The following KANSL2 variants were observed in gnomAD, a reference collection of about 807,000 sequenced individuals.
The protein encoded by KANSL2 is KAT8 regulatory NSL complex subunit 2, also known as NSL complex protein NSL2.
KANSL2 carries 34 observed loss-of-function variants against 55.6 expected under a neutral mutation model. The ratio of observed to expected loss-of-function variants is 0.61; its 90% confidence interval spans 0.46 to 0.81. The LOEUF is 0.81. Among genes scored for constraint, KANSL2 ranks in the 40% least tolerant of loss-of-function variants. KANSL2 has a pLI of 0.00. For synonymous variants in KANSL2, 209 were observed against 214.3 expected (o/e 0.98, Z 0.22); for missense variants, 502 against 609.9 (o/e 0.82, Z 1.86).
intron 8 of KANSL2, among the ~76,000 whole-genome samples, chr12:48,658,191 A>C (rs1186930268): frequency 6.6e-6 from 1 of 152,156 alleles, no homozygotes; most frequent in Non-Finnish European, 1.5e-5. Flanking sequence ...AGATCACGCC[A>C]ATGCACTCCA....
chr12:48,679,290 T>A, intron 3 of KANSL2, 140 bp from the exon 4 acceptor site: 1 of 710,260 alleles, frequency 1.4e-6, no homozygotes, highest in Non-Finnish European at 2.5e-6. Context: ...ACAAAGGTAC[T>A]GGCAAATAAA....
intron 4 of KANSL2, among the ~76,000 whole-genome samples, chr12:48,672,393 G>GTGTA (rs1420173300): frequency 4.7e-4 from 57 of 121,366 alleles, no homozygotes; most frequent in African/African-American, 1.8e-3. Context: ...ATATATACAT[G>GTGTA]TATATATATA....
Position 48,656,277 on chromosome 12 carries a change from G to GTT in KANSL2, c.1228-1219_1228-1218dup, listed in dbSNP as rs5798084. Among the ~76,000 whole-genome samples, 809 of 140,680 alleles carry GTT rather than the reference G, an allele frequency of 5.8e-3. 4 individuals are homozygous for GTT. Among genetic ancestry groups the GTT allele is most frequent in the African/African-American group, 0.018 (682 of 38,706 alleles). 92.3% of individuals were successfully genotyped at this position (140,680 alleles called of 152,430 possible). Reference sequence around the variant, plus strand: ...GCAACAACCTGGTTTTTTTTGTTTTGTTTTTTTTTTTTTTGAGACAGAGTC... The same window carrying GTT: ...GCAACAACCTGGTTTTTTTTGTTTTGTTTTTTTTTTTTTTTTGAGACAGAGTC... On this transcript the variant is annotated intron_variant, in intron 8 of 9. Transcript: ENST00000420613.
intron 5 of KANSL2, among the ~76,000 whole-genome samples, chr12:48,670,904 C>T (rs990969342): frequency 1.3e-5 from 2 of 151,726 alleles, no homozygotes; most frequent in African/African-American, 4.8e-5. Flanking sequence ...TTGAAGGCTG[C>T]AGTGAGTGAG....
At chr12:48,663,367 A>G (rs554037320) in intron 7 of KANSL2, among the ~76,000 whole-genome samples, 3 of 152,196 alleles carry the variant, frequency 2.0e-5, no homozygotes, top group Non-Finnish European at 2.9e-5. Flanking sequence ...TCACTGACTC[A>G]TTTTTGAAAA....
At chr12:48,679,578 A>G in intron 3 of KANSL2, 77 bp downstream of exon 3, 1 of 1,137,584 alleles carries the variant, frequency 8.8e-7, no homozygotes, top group Non-Finnish European at 1.3e-6. Context: ...CAAATAGATC[A>G]AGGCATTGTG....
Position 48,653,522 on chromosome 12 carries a change from AG to A in KANSL2, c.*521del, listed in dbSNP as rs1939321420. 1 of 152,782 alleles carries A rather than the reference AG, an allele frequency of 6.5e-6. No homozygotes were observed. The highest frequency in any genetic ancestry group is 1.5e-5 in the Non-Finnish European group (1 of 68,096). 9.5% of individuals were successfully genotyped at this position (152,782 alleles called of 1,614,324 possible). On this transcript the variant is annotated 3_prime_UTR_variant, in exon 10 of 10. Transcript: ENST00000420613. ...AGATAGCAACCACAGAAATTTACATAGGTTAAAAGCAAGACGGATAAGGAGG... is the reference window on the plus strand; with the variant it reads ...AGATAGCAACCACAGAAATTTACATAGTTAAAAGCAAGACGGATAAGGAGG...
intron 2 of KANSL2, 194 bp downstream of exon 2, chr12:48,681,188 C>A: frequency 2.1e-6 from 1 of 473,666 alleles, no homozygotes; most frequent in South Asian, 3.9e-5. Context: ...GGAAAAGAAC[C>A]AAAGAGGTGA....
intron 7 of KANSL2, 126 bp downstream of exon 7, chr12:48,667,567 A>G (rs759479555): frequency 1.2e-6 from 1 of 801,062 alleles, no homozygotes; most frequent in South Asian, 1.3e-5. Flanking sequence ...CAGCTTCAGC[A>G]AACTGCTGGC....
chr12:48,653,722 G>GC lies in KANSL2; in HGVS notation c.*321dup, dbSNP rs1165529688. 1 of 215,020 alleles carries GC rather than the reference G, an allele frequency of 4.7e-6. No individual in the cohort carries two copies. The highest frequency in any genetic ancestry group is 1.1e-4 in the East Asian group (1 of 9,268). 13.3% of individuals were successfully genotyped at this position (215,020 alleles called of 1,614,324 possible). A position where few individuals can be genotyped will look rare whatever the true frequency, so the allele number is the denominator to read the frequency against. The stretch of plus-strand genomic sequence containing the variant: ...CTCAAAGACACCACTCACAAAGACA[G>GC]CTCCCACCTAGCTACTTAAGTGGAT... On this transcript the variant is annotated 3_prime_UTR_variant, in exon 10 of 10. Transcript: ENST00000420613.
intron 2 of KANSL2, among the ~76,000 whole-genome samples, chr12:48,681,051 T>C (rs1197211611): frequency 2.8e-5 from 4 of 141,460 alleles, no homozygotes; most frequent in African/African-American, 1.1e-4. Context: ...GAGGCCGAGA[T>C]GGGAGGATAC....
Position 48,669,184 on chromosome 12 carries a change from C to A in KANSL2, c.798G>T (p.Gln266His), listed in dbSNP as rs1728361345. Reference protein sequence around the residue: ...KRLKCLRRYRQRYGVEALLHR... With the variant: ...KRLKCLRRYRHRYGVEALLHR... ...GCAGTAAGGCTTCCACTCCATAGCGCTGGCGGTATCGTCGCAGACATTTTA... is the reference window on the plus strand; with the variant it reads ...GCAGTAAGGCTTCCACTCCATAGCGATGGCGGTATCGTCGCAGACATTTTA... The change falls in exon 6 of 10, where the codon CAG (glutamine) becomes CAT (histidine). Residue 266 changes from glutamine to histidine, a missense_variant. Coordinates refer to ENST00000420613, the MANE Select transcript of KANSL2 (RefSeq NM_017822.4). The A allele has an allele frequency of 1.3e-6, 2 of 1,554,440 alleles. No individual in the cohort carries two copies. Among genetic ancestry groups the A allele is most frequent in the Non-Finnish European group, 1.7e-6 (2 of 1,148,352 alleles).
intron 4 of KANSL2, among the ~76,000 whole-genome samples, chr12:48,677,581 AC>A (rs2137203529): frequency 6.6e-6 from 1 of 152,172 alleles, no homozygotes; most frequent in Admixed American, 6.5e-5. Flanking sequence ...GGAATTCGAG[AC>A]CAGCCTGGCC....
At chr12:48,664,944 T>C (rs1592101392) in intron 7 of KANSL2, among the ~76,000 whole-genome samples, 1 of 143,616 alleles carries the variant, frequency 7.0e-6, no homozygotes, top group Non-Finnish European at 1.5e-5. Context: ...TAGAATGCAG[T>C]GGCATGATCC....
intron 4 of KANSL2, among the ~76,000 whole-genome samples, chr12:48,678,357 A>G (rs1420722065): frequency 1.3e-5 from 2 of 152,226 alleles, no homozygotes; most frequent in Admixed American, 1.3e-4. Context: ...TTACTAAGAT[A>G]TAAACCTGAT....
At chr12:48,664,038 C>T (rs1939541665) in intron 7 of KANSL2, among the ~76,000 whole-genome samples, 1 of 151,074 alleles carries the variant, frequency 6.6e-6, no homozygotes, top group Non-Finnish European at 1.5e-5. Context: ...CCTCAGCCTC[C>T]CGAGTAGCTG....
intron 5 of KANSL2, 93 bp downstream of exon 5, chr12:48,671,706 G>GT: frequency 7.8e-7 from 1 of 1,281,514 alleles, no homozygotes; most frequent in Non-Finnish European, 1.1e-6. Flanking sequence ...ACCTAACAAA[G>GT]TATGTATCCC....
At chr12:48,668,748 T>G (rs1939648619) in intron 6 of KANSL2, among the ~76,000 whole-genome samples, 1 of 152,002 alleles carries the variant, frequency 6.6e-6, no homozygotes, top group African/African-American at 2.4e-5. Flanking sequence ...ACTTTGTAAA[T>G]AAAGTGAACA....
rs781634674 is a variant in KANSL2, at chr12:48,660,656, T to C, written c.974-37A>G. On this transcript the variant is annotated intron_variant, in intron 7 of 9. Transcript: ENST00000420613. The stretch of plus-strand genomic sequence containing the variant: ...TGGTCAAGGGAAATAAAACACAATC[T>C]ATCGAAAGCATAAAATACAAATAGC... The C allele has an allele frequency of 8.8e-6, 14 of 1,588,302 alleles. No individual in the cohort carries two copies. In the Admixed American group the frequency reaches 1.9e-4, roughly 22 times the overall value.
Sources: gnomAD v4.1 joint callset for allele counts (sites outside exome capture counted in the v4.1 genomes callset) on GRCh38, gnomAD v4.1.1 for gene constraint, MANE v1.5 for transcripts, NCBI Gene and HGNC (gene_info 2026-07-23, HGNC 2026-07-21) for gene names.